ARHGEF26: variants seen among roughly 807,000 people sequenced by gnomAD.
ARHGEF26 encodes the protein Rho guanine nucleotide exchange factor (GEF) 26.
Under a neutral mutation model 89.4 loss-of-function variants are expected in ARHGEF26, and 59 were observed. The observed-to-expected ratio is 0.66, with a 90% CI of 0.54 to 0.82. The LOEUF (loss-of-function observed/expected upper bound fraction) is 0.82, where lower values mean the gene tolerates loss of function less well. ARHGEF26 is among the 40% of genes least tolerant of loss of function. The pLI is 0.00. For missense variants in ARHGEF26, 1,234 were observed against 1,085.6 expected (o/e 1.14, Z -1.92); for synonymous variants, 500 against 428.4 (o/e 1.17, Z -2.06).
chr3:154,225,730 C>T lies in ARHGEF26; in HGVS notation c.1936-126C>T. ...GTATTTATAGTTCAGTTTTATATGC[C>T]TATAAAACAATGATGCATACTATGA... On this transcript the variant is annotated intron_variant, in intron 10 of 14. Transcript: ENST00000465093. 5.1e-6 allele frequency: 5 copies of T among 986,846 alleles called. 1 individual carries two copies. Among genetic ancestry groups the T allele is most frequent in the East Asian group, 2.7e-5 (1 of 36,992 alleles). 61.1% of individuals were successfully genotyped at this position (986,846 alleles called of 1,614,324 possible).
At chr3:154,220,600 A>G (rs953868662) in intron 10 of ARHGEF26, among the ~76,000 whole-genome samples, 1 of 152,198 alleles carries the variant, frequency 6.6e-6, no homozygotes, top group Non-Finnish European at 1.5e-5. Flanking sequence ...CAAGAGGAGC[A>G]GGGTGGAGCT....
chr3:154,254,653 A>G, intron 13 of ARHGEF26, 67 bp from the exon 14 acceptor site: 1 of 1,203,688 alleles, frequency 8.3e-7, no homozygotes, highest in Non-Finnish European at 1.2e-6. Flanking sequence ...AAGTAAGTGT[A>G]CATTATTGGA....
In ARHGEF26 at chr3:154,256,540, T is replaced by C; in HGVS notation, c.*1067T>C. 1.1e-6 allele frequency: 1 copy of C among 919,600 alleles called. No individual in the cohort carries two copies. Among genetic ancestry groups the C allele is most frequent in the Non-Finnish European group, 1.2e-6 (1 of 801,338 alleles). The allele number at this position is 919,600 out of a possible 1,614,324, so 57.0% of individuals were successfully genotyped here. A position where few individuals can be genotyped will look rare whatever the true frequency, so the allele number is the denominator to read the frequency against. ...GAGCCACCGTGCCCAGCCTACTTTC[T>C]AATTAATTAAAAAAAAAAAAAAAAA... On this transcript the variant is annotated 3_prime_UTR_variant, in exon 15 of 15. Coordinates refer to ENST00000465093, the MANE Select transcript of ARHGEF26 (RefSeq NM_015595.4).
At position 154,122,557 on chromosome 3, in the gene ARHGEF26, T is replaced by C. The variant is rs1718034199; in HGVS notation, c.565T>C (p.Ser189Pro). 1 of 1,613,480 alleles carries C rather than the reference T, an allele frequency of 6.2e-7. No homozygotes were observed. Among genetic ancestry groups the C allele is most frequent in the African/African-American group, 1.3e-5 (1 of 74,934 alleles). ...AANNDSPGSG[S>P]QSGRKAKDPE... ...TAATAACGACTCTCCTGGGTCAGGT[T>C]CGCAGTCCGGCCGGAAGGCAAAGGA... Residue 189 changes from serine to proline, a missense_variant, in exon 2 of 15, where the codon TCG (serine) becomes CCG (proline). By Grantham distance (74) the Ser-to-Pro change is moderately conservative (BLOSUM62 -1). Coordinates refer to ENST00000465093, the MANE Select transcript of ARHGEF26 (RefSeq NM_015595.4).
chr3:154,167,084 A>C (rs971281962), intron 6 of ARHGEF26, among the ~76,000 whole-genome samples: 1 of 152,192 alleles, frequency 6.6e-6, no homozygotes, highest in South Asian at 2.1e-4. Flanking sequence ...TTCTTTATGT[A>C]GTTTCTTCTA....
At chr3:154,210,479 A>G (rs1715292613) in intron 9 of ARHGEF26, among the ~76,000 whole-genome samples, 1 of 151,786 alleles carries the variant, frequency 6.6e-6, no homozygotes, top group African/African-American at 2.4e-5. Context: ...AAGCCTGACT[A>G]ATTTTTTGTA....
chr3:154,126,784 T>TA (rs1168657072), intron 3 of ARHGEF26, among the ~76,000 whole-genome samples: 1 of 152,210 alleles, frequency 6.6e-6, no homozygotes, highest in African/African-American at 2.4e-5. Flanking sequence ...TCTTTTAAGA[T>TA]ACAGCCATGC....
chr3:154,237,416 C>T (rs1249790859), intron 11 of ARHGEF26, among the ~76,000 whole-genome samples: 1 of 152,052 alleles, frequency 6.6e-6, no homozygotes, highest in African/African-American at 2.4e-5. Flanking sequence ...GTGGTGCATG[C>T]CTGTAATCCC....
At chr3:154,220,540 C>T (rs976716773) in intron 10 of ARHGEF26, among the ~76,000 whole-genome samples, 1 of 152,152 alleles carries the variant, frequency 6.6e-6, no homozygotes, top group Admixed American at 6.5e-5. Context: ...ACAGTTTCCA[C>T]TCCTGTGGCC....
At chr3:154,246,393 GCTA>G (rs2108292396) in intron 12 of ARHGEF26, among the ~76,000 whole-genome samples, 1 of 152,304 alleles carries the variant, frequency 6.6e-6, no homozygotes, top group South Asian at 2.1e-4. Flanking sequence ...TGTCTTCAGA[GCTA>G]CCCCAGTGCT....
intron 9 of ARHGEF26, among the ~76,000 whole-genome samples, chr3:154,207,994 C>T (rs759030584): frequency 2.0e-5 from 3 of 152,076 alleles, no homozygotes; most frequent in East Asian, 1.9e-4. Context: ...AATGCAGGAA[C>T]GGAAAAACAC....
At chr3:154,191,039 C>T (rs1436710168) in intron 7 of ARHGEF26, among the ~76,000 whole-genome samples, 1 of 152,142 alleles carries the variant, frequency 6.6e-6, no homozygotes, top group Non-Finnish European at 1.5e-5. Context: ...ATTTCTAGCT[C>T]CTACATGTTT....
In ARHGEF26 at chr3:154,255,204, C is replaced by A. The variant is rs79331024; in HGVS notation, c.2474-127C>A. The A allele has an allele frequency of 2.9e-3, 2,827 of 984,736 alleles. 45 individuals carry two copies. In the African/African-American group the frequency reaches 0.039, roughly 13 times the overall value. 61.0% of individuals were successfully genotyped at this position (984,736 alleles called of 1,614,324 possible). ...TTCCCCCTCGAAAGCTTTCCCTGTC[C>A]CACTTTCTCTTCTCACCGTAGCACT... is the stretch of plus-strand genomic sequence containing the variant. On this transcript the variant is annotated intron_variant, in intron 14 of 14. Coordinates refer to ENST00000465093, the MANE Select transcript of ARHGEF26 (RefSeq NM_015595.4).
In ARHGEF26 at chr3:154,217,853, T is replaced by C; in HGVS notation, c.1846-16T>C. Reference sequence around the variant, plus strand: ...CTCCTTGACCTTTAACCCTCGTTACTCTTCTGTGTTCCCAGTTGGTTCGAC... The same window carrying C: ...CTCCTTGACCTTTAACCCTCGTTACCCTTCTGTGTTCCCAGTTGGTTCGAC... On this transcript the variant is annotated splice_polypyrimidine_tract_variant and intron_variant, in intron 9 of 14. Coordinates refer to ENST00000465093, the MANE Select transcript of ARHGEF26 (RefSeq NM_015595.4). 6.3e-7 allele frequency: 1 copy of C among 1,579,912 alleles called. No homozygotes were observed. Among genetic ancestry groups the C allele is most frequent in the Non-Finnish European group, 8.6e-7 (1 of 1,160,694 alleles).
chr3:154,182,429 G>C (rs532446546), intron 6 of ARHGEF26, among the ~76,000 whole-genome samples: 1 of 152,160 alleles, frequency 6.6e-6, no homozygotes, highest in Non-Finnish European at 1.5e-5. Flanking sequence ...TGATCACACT[G>C]TGTCAACCAG....
At chr3:154,208,634 T>C (rs1464881468) in intron 9 of ARHGEF26, among the ~76,000 whole-genome samples, 3 of 152,114 alleles carry the variant, frequency 2.0e-5, no homozygotes, top group Non-Finnish European at 4.4e-5. Flanking sequence ...CATTTTGTAT[T>C]CTTTTTTCTG....
At chr3:154,152,549 TC>T (rs1720084446) in intron 5 of ARHGEF26, among the ~76,000 whole-genome samples, 1 of 152,202 alleles carries the variant, frequency 6.6e-6, no homozygotes, top group South Asian at 2.1e-4. Context: ...TTCATTTTTT[TC>T]ATATTTACAG....
intron 4 of ARHGEF26, among the ~76,000 whole-genome samples, chr3:154,140,479 T>A (rs752343508): frequency 1.3e-5 from 2 of 152,140 alleles, no homozygotes; most frequent in Non-Finnish European, 2.9e-5. Context: ...ATAATGTGAC[T>A]GCAACTCTGA....
At chr3:154,231,566 A>G (rs1716823378) in intron 11 of ARHGEF26, among the ~76,000 whole-genome samples, 1 of 93,206 alleles carries the variant, frequency 1.1e-5, no homozygotes, top group Non-Finnish European at 2.1e-5. Flanking sequence ...ACATGCTATC[A>G]TTAAGATTAT....
Sources: gnomAD v4.1 joint callset for allele counts (sites outside exome capture counted in the v4.1 genomes callset) on GRCh38, gnomAD v4.1.1 for gene constraint, MANE v1.5 for transcripts, NCBI Gene and HGNC (gene_info 2026-07-23, HGNC 2026-07-21) for gene names.